PCDH15: variants seen among roughly 807,000 people sequenced by gnomAD.
PCDH15 encodes the protein protocadherin related 15, also known as protocadherin-15.
PCDH15 carries 129 observed loss-of-function variants against 178.5 expected under a neutral mutation model. That is an observed-to-expected ratio of 0.72 (90% CI 0.63 to 0.84). PCDH15 has a LOEUF of 0.84. Among genes scored for constraint, PCDH15 ranks in the 40% least tolerant of loss-of-function variants. The pLI is 0.00. For missense variants in PCDH15, 2,230 were observed against 2,099.9 expected, an observed-to-expected ratio of 1.06 and a Z score of -1.21; for synonymous variants, 800 against 732.0, an observed-to-expected ratio of 1.09 and a Z score of -1.50.
intron 8 of PCDH15, among the ~76,000 whole-genome samples, chr10:54,250,063 G>A (rs2056335857): frequency 6.8e-6 from 1 of 147,854 alleles, no homozygotes; most frequent in South Asian, 2.1e-4. Context: ...ACAGGTGCAT[G>A]CCACCACATC....
At chr10:54,024,749 C>T (rs1200151138) in intron 18 of PCDH15, among the ~76,000 whole-genome samples, 1 of 152,054 alleles carries the variant, frequency 6.6e-6, no homozygotes, top group Non-Finnish European at 1.5e-5. Context: ...GTTTCTTTTA[C>T]TTTTATACTT....
At chr10:54,391,320 A>C (rs538564781) in intron 3 of PCDH15, among the ~76,000 whole-genome samples, 10 of 152,234 alleles carry the variant, frequency 6.6e-5, no homozygotes, top group Non-Finnish European at 1.0e-4. Flanking sequence ...CACCTCCACG[A>C]AAGGAGTTTA....
chr10:54,029,347 T>C (rs376249491), intron 18 of PCDH15, among the ~76,000 whole-genome samples: 1 of 152,114 alleles, frequency 6.6e-6, no homozygotes. Flanking sequence ...ATAAGAAAAA[T>C]AACACATCTC....
intron 3 of PCDH15, among the ~76,000 whole-genome samples, chr10:54,414,509 A>G (rs1458611606): frequency 6.6e-6 from 1 of 152,116 alleles, no homozygotes; most frequent in Non-Finnish European, 1.5e-5. Flanking sequence ...GGAAGAATAT[A>G]TTACATTTAT....
At chr10:54,768,961 A>C (rs1419093107) in intron 1 of PCDH15, among the ~76,000 whole-genome samples, 1 of 152,040 alleles carries the variant, frequency 6.6e-6, no homozygotes, top group Admixed American at 6.5e-5. Context: ...AAACTTTTGG[A>C]CTTGGTTTGG....
At chr10:55,123,650 G>A (rs1460675165) in intron 2 of PCDH15, among the ~76,000 whole-genome samples, 1 of 152,092 alleles carries the variant, frequency 6.6e-6, no homozygotes, top group African/African-American at 2.4e-5. Context: ...AGACATGAAG[G>A]AGAGCCAGTC....
At chr10:55,453,338 G>T (rs1839476622) in intron 2 of PCDH15, among the ~76,000 whole-genome samples, 1 of 152,124 alleles carries the variant, frequency 6.6e-6, no homozygotes, top group Non-Finnish European at 1.5e-5. Flanking sequence ...TTTTCTTACT[G>T]CAGCGGATCT....
At chr10:54,894,327 C>G (rs567614515) in intron 3 of PCDH15, among the ~76,000 whole-genome samples, 1 of 152,182 alleles carries the variant, frequency 6.6e-6, no homozygotes, top group East Asian at 1.9e-4. Context: ...TTCAGGTTAG[C>G]AAGGCTATAT....
intron 18 of PCDH15, among the ~76,000 whole-genome samples, chr10:54,037,700 G>A (rs973514157): frequency 6.6e-6 from 1 of 151,912 alleles, no homozygotes; most frequent in African/African-American, 2.4e-5. Flanking sequence ...CTCTCAATAT[G>A]TCTGAAATAT....
chr10:53,963,482 C>T (rs540790530), intron 21 of PCDH15, among the ~76,000 whole-genome samples: 7 of 152,210 alleles, frequency 4.6e-5, no homozygotes, highest in Admixed American at 2.0e-4. Context: ...CTACTCTCGG[C>T]CCCTGGAACC....
chr10:54,929,809 G>A (rs1382145829), intron 2 of PCDH15, among the ~76,000 whole-genome samples: 1 of 152,186 alleles, frequency 6.6e-6, no homozygotes, highest in Non-Finnish European at 1.5e-5. Context: ...GGAATTCACA[G>A]TTCTCAACAG....
chr10:54,855,473 G>T (rs1367935864), intron 3 of PCDH15, among the ~76,000 whole-genome samples: 4 of 152,126 alleles, frequency 2.6e-5, no homozygotes, highest in Admixed American at 2.6e-4. Context: ...AAAGATTATG[G>T]ACTTGTATGA....
chr10:54,844,778 A>T (rs904515055), intron 3 of PCDH15, among the ~76,000 whole-genome samples: 2 of 151,992 alleles, frequency 1.3e-5, no homozygotes, highest in African/African-American at 4.8e-5. Context: ...ACTTTGGGAG[A>T]ACTTTTCAAT....
At chr10:55,288,189 C>G (rs534086738) in intron 1 of PCDH15, among the ~76,000 whole-genome samples, 5 of 149,526 alleles carry the variant, frequency 3.3e-5, no homozygotes, top group Non-Finnish European at 7.4e-5. Flanking sequence ...TATAGAGTAA[C>G]GGCACACGTA....
chr10:54,317,558 T>C (rs907574206), intron 7 of PCDH15, 117 bp from the exon 8 acceptor site: 15 of 1,165,362 alleles, frequency 1.3e-5, no homozygotes, highest in Admixed American at 3.4e-5. Context: ...GTGGATCACT[T>C]GAGGTCAGGG....
chr10:53,892,025 T>G (rs995594580), intron 26 of PCDH15, among the ~76,000 whole-genome samples: 1 of 142,722 alleles, frequency 7.0e-6, no homozygotes, highest in East Asian at 2.0e-4. Flanking sequence ...TCTATGTTTT[T>G]TTTTTTTTTT....
chr10:54,304,604 T>C (rs2060354231), intron 8 of PCDH15, among the ~76,000 whole-genome samples: 1 of 152,040 alleles, frequency 6.6e-6, no homozygotes, highest in Non-Finnish European at 1.5e-5. Context: ...TACACGGGCA[T>C]TGAGAATTTT....
At chr10:55,372,466 A>G (rs1041447506) in intron 2 of PCDH15, among the ~76,000 whole-genome samples, 4 of 152,198 alleles carry the variant, frequency 2.6e-5, no homozygotes, top group Non-Finnish European at 5.9e-5. Flanking sequence ...GATATCTTCA[A>G]GATTATTACA....
In PCDH15 at chr10:53,888,749, T is replaced by C. The variant is rs145685139; in HGVS notation, c.3501+14494A>G. 4.9e-3 allele frequency among the ~76,000 whole-genome samples: 646 copies of C among 132,648 alleles called. 7 individuals carry two copies. Among genetic ancestry groups the C allele is most frequent in the African/African-American group, 0.017 (628 of 37,200 alleles). 87.0% of individuals were successfully genotyped at this position (132,648 alleles called of 152,430 possible). On this transcript the variant is annotated intron_variant, in intron 26 of 37. Transcript: ENST00000644397. ...GCTGATTCTAAACCTTATTTGGTAA[T>C]GAGCACACAGAGAGAGCCAAGAGAA... is the stretch of plus-strand genomic sequence containing the variant.
Sources: allele counts gnomAD v4.1 joint callset (sites outside exome capture counted in the v4.1 genomes callset), GRCh38; gene constraint gnomAD v4.1.1; transcripts MANE v1.5; gene names NCBI Gene and HGNC (gene_info 2026-07-23, HGNC 2026-07-21).